RNF130: variants seen among roughly 807,000 people sequenced by gnomAD.
The protein encoded by RNF130 is ring finger protein 130, also known as E3 ubiquitin-protein ligase RNF130.
Under a neutral mutation model 44.6 loss-of-function variants are expected in RNF130, and 21 were observed. The ratio of observed to expected loss-of-function variants is 0.47; its 90% confidence interval spans 0.33 to 0.68. RNF130 has a LOEUF of 0.68. Among genes scored for constraint, RNF130 ranks in the 30% least tolerant of loss-of-function variants. The probability of loss-of-function intolerance (pLI) is 0.02; values close to 1 mark genes in which losing one functional copy is unlikely to be tolerated. For missense variants in RNF130, 479 were observed against 560.6 expected (o/e 0.85, Z 1.47); for synonymous variants, 214 against 210.4 (o/e 1.02, Z -0.15).
At chr5:179,947,460 CCT>C (rs765098326) in intron 7 of RNF130, among the ~76,000 whole-genome samples, 4 of 152,192 alleles carry the variant, frequency 2.6e-5, no homozygotes, top group Non-Finnish European at 5.9e-5. Context: ...ACAGCCTGCC[CCT>C]GACACTTGGT....
intron 7 of RNF130, among the ~76,000 whole-genome samples, chr5:179,934,492 C>A (rs1228325002): frequency 1.3e-5 from 2 of 149,602 alleles, no homozygotes; most frequent in African/African-American, 4.9e-5. Context: ...TAATTTTATT[C>A]GTCATTTTAA....
chr5:180,040,197 A>T (rs1276070402), intron 2 of RNF130, among the ~76,000 whole-genome samples: 6 of 152,244 alleles, frequency 3.9e-5, no homozygotes, highest in Non-Finnish European at 8.8e-5. Context: ...AGCAAAATGT[A>T]GAAATGCAAA....
intron 8 of RNF130, among the ~76,000 whole-genome samples, chr5:179,957,272 G>A (rs535624923): frequency 1.3e-5 from 2 of 152,164 alleles, no homozygotes; most frequent in East Asian, 3.9e-4. Flanking sequence ...ATTAGCCAGG[G>A]GTGCTGGCAG....
chr5:179,963,938 T>A (rs1221927148), intron 7 of RNF130: 2 of 186,976 alleles, frequency 1.1e-5, no homozygotes, highest in Non-Finnish European at 2.2e-5. Context: ...TTTATAACCT[T>A]CTTTCCTTCT....
At chr5:180,038,235 TG>T (rs1268546864) in intron 2 of RNF130, among the ~76,000 whole-genome samples, 3 of 148,596 alleles carry the variant, frequency 2.0e-5, no homozygotes, top group Admixed American at 6.7e-5. Context: ...TGTATTTTTT[TG>T]TAGAGATGGG....
chr5:180,023,872 CA>C lies in RNF130; in HGVS notation c.443-10562del, dbSNP rs1421375835. 3.3e-4 allele frequency among the ~76,000 whole-genome samples: 50 copies of C among 152,274 alleles called. 1 individual carries two copies. Among genetic ancestry groups the C allele is most frequent in the African/African-American group, 1.2e-3 (49 of 41,564 alleles). On this transcript the variant is annotated intron_variant, in intron 2 of 8. Coordinates refer to ENST00000521389, the MANE Select transcript of RNF130 (RefSeq NM_018434.6). ...AGTGGTGTCAAAAGTTATCATATGG[CA>C]GGGGGAAAAGAGTTAACTTCACAGT...
chr5:180,071,214 T>C (rs952283083), intron 1 of RNF130, among the ~76,000 whole-genome samples: 1 of 152,242 alleles, frequency 6.6e-6, no homozygotes, highest in Non-Finnish European at 1.5e-5. Flanking sequence ...ACGAGCTGCC[T>C]GAACGCAAAG....
chr5:179,999,863 G>C (rs1223575867), intron 3 of RNF130, among the ~76,000 whole-genome samples: 1 of 152,216 alleles, frequency 6.6e-6, no homozygotes, highest in Non-Finnish European at 1.5e-5. Flanking sequence ...GGTTATTACT[G>C]GTAGGTGAGG....
At chr5:180,029,168 AT>A (rs1269009151) in intron 2 of RNF130, among the ~76,000 whole-genome samples, 12 of 152,172 alleles carry the variant, frequency 7.9e-5, no homozygotes, top group Admixed American at 2.0e-4. Context: ...CAACTAAAAC[AT>A]TTTTTTCTTC....
chr5:180,034,182 T>C (rs545302217), intron 2 of RNF130, among the ~76,000 whole-genome samples: 1 of 152,076 alleles, frequency 6.6e-6, no homozygotes, highest in South Asian at 2.1e-4. Flanking sequence ...CTTTTTCATT[T>C]ATTCTATTGA....
chr5:180,004,457 C>T (rs915253406), intron 3 of RNF130, among the ~76,000 whole-genome samples: 1 of 152,132 alleles, frequency 6.6e-6, no homozygotes, highest in South Asian at 2.1e-4. Flanking sequence ...TAAAAGTATT[C>T]GGACTAGGAC....
chr5:179,974,493 C>T (rs1462277802), intron 5 of RNF130, among the ~76,000 whole-genome samples: 1 of 152,156 alleles, frequency 6.6e-6, no homozygotes, highest in Non-Finnish European at 1.5e-5. Context: ...AATAGTGCGA[C>T]AGAAGAGGAA....
intron 2 of RNF130, among the ~76,000 whole-genome samples, chr5:180,013,532 C>A (rs1228937295): frequency 6.6e-6 from 1 of 152,106 alleles, no homozygotes; most frequent in Non-Finnish European, 1.5e-5. Context: ...AGACATAAGG[C>A]ATAGAACGAC....
intron 1 of RNF130, among the ~76,000 whole-genome samples, chr5:180,046,016 C>T (rs1003497822): frequency 2.0e-5 from 3 of 152,164 alleles, no homozygotes; most frequent in East Asian, 1.9e-4. Context: ...CAGCGCTCGC[C>T]GGGGAGGCTC....
At chr5:180,019,301 A>G (rs974681148) in intron 2 of RNF130, among the ~76,000 whole-genome samples, 9 of 151,432 alleles carry the variant, frequency 5.9e-5, no homozygotes, top group Admixed American at 1.3e-4. Context: ...GGAGAATGGC[A>G]TGAACCCGGG....
At chr5:179,912,227 G>A (rs545620226) in exon 8 of RNF130, 1 of 152,310 alleles carries the variant, frequency 6.6e-6, no homozygotes, top group South Asian at 2.1e-4. Flanking sequence ...TATTTTATGA[G>A]TATAAAAGCT....
chr5:180,041,435 T>C (rs911505377), intron 1 of RNF130, among the ~76,000 whole-genome samples: 8 of 152,208 alleles, frequency 5.3e-5, no homozygotes, highest in Non-Finnish European at 1.2e-4. Context: ...TTATTTAAAA[T>C]ACTCATAAGT....
intron 6 of RNF130, among the ~76,000 whole-genome samples, chr5:179,968,769 CCCTGGGGGACATCT>C (rs1762512977): frequency 1.3e-5 from 2 of 152,040 alleles, no homozygotes; most frequent in South Asian, 4.1e-4. Context: ...TGAGTTTGCT[CCCTGGGGGACATCT>C]GGCAACGTCT....
At position 180,043,395 on chromosome 5, in the gene RNF130, A is replaced by G. The variant is rs78715016; in HGVS notation, c.248-2748T>C. Among the ~76,000 whole-genome samples the G allele has an allele frequency of 7.3e-3, 1,104 of 152,226 alleles. 6 individuals carry two copies. Among genetic ancestry groups the G allele is most frequent in the Non-Finnish European group, 0.012 (838 of 68,016 alleles). ...CTCTTTCCCTTTGTTTGTTTCACTG[A>G]CATTCATCCTATGTTGTCTTGGTGA... On this transcript the variant is annotated intron_variant, in intron 1 of 8. Transcript: ENST00000521389.
Sources: allele counts gnomAD v4.1 joint callset (sites outside exome capture counted in the v4.1 genomes callset), GRCh38; gene constraint gnomAD v4.1.1; transcripts MANE v1.5; gene names NCBI Gene and HGNC (gene_info 2026-07-23, HGNC 2026-07-21).